The following DUX4 variants were observed in gnomAD, a reference collection of about 807,000 sequenced individuals.
DUX4 encodes the protein double homeobox 4, also known as double homeobox protein 4.
At chr4:190,180,013 A>T (rs1206370397), downstream of DUX4, among the ~76,000 whole-genome samples, 3,669 of 23,762 alleles carry the variant, frequency 0.15, 27 homozygotes, top group African/African-American at 0.18. Flanking sequence ...CTTAAACTAG[A>T]GTTACATCAC....
At chr4:190,180,146 AAGAGTCCCATCACCTGGGTGATCAGTGC>A, downstream of DUX4, among the ~76,000 whole-genome samples, 1 of 88,270 alleles carries the variant, frequency 1.1e-5, no homozygotes, top group South Asian at 3.4e-4. Flanking sequence ...GAGCCTAGAG[AAGAGTCCCATCACCTGGGTGATCAGTGC>A]AGAGTTATGC....
downstream of DUX4, among the ~76,000 whole-genome samples, chr4:190,178,743 GC>G (rs1742447951): frequency 1.4e-5 from 2 of 138,756 alleles, no homozygotes; most frequent in East Asian, 4.5e-4. Flanking sequence ...GGTGATCAGA[GC>G]AAAGGTATGT....
chr4:190,179,257 TA>T (rs1742483834), downstream of DUX4, among the ~76,000 whole-genome samples: 76 of 151,530 alleles, frequency 5.0e-4, no homozygotes, highest in Admixed American at 5.9e-4. Context: ...AGGCAGATCC[TA>T]GACAAGAGTT....
downstream of DUX4, among the ~76,000 whole-genome samples, chr4:190,180,162 G>A (rs1742534767): frequency 4.9e-5 from 4 of 81,510 alleles, no homozygotes; most frequent in African/African-American, 1.4e-4. Flanking sequence ...CCCATCACCT[G>A]GGTGATCAGT....
downstream of DUX4, among the ~76,000 whole-genome samples, chr4:190,178,297 AGAGCACAGAG>A (rs1742416247): frequency 7.5e-6 from 1 of 133,904 alleles, no homozygotes; most frequent in Non-Finnish European, 1.7e-5. Context: ...CCCTGTAGGC[AGAGCACAGAG>A]AAGAGTTGCA....
downstream of DUX4, among the ~76,000 whole-genome samples, chr4:190,176,634 G>C (rs1408227883): frequency 8.8e-6 from 1 of 113,114 alleles, no homozygotes; most frequent in Non-Finnish European, 2.0e-5. Context: ...GCAGAGATGT[G>C]TCACAAAGCC....
At chr4:190,178,224 AG>A (rs1742411590), downstream of DUX4, among the ~76,000 whole-genome samples, 1 of 151,972 alleles carries the variant, frequency 6.6e-6, no homozygotes, top group Non-Finnish European at 1.5e-5. Flanking sequence ...TGCCCCCTGT[AG>A]GCAGAGCATA....
At chr4:190,181,180 GTTACA>G (rs1742550747) in intron 1 of DUX4, among the ~76,000 whole-genome samples, 2 of 141,006 alleles carry the variant, frequency 1.4e-5, no homozygotes, top group African/African-American at 2.6e-5. Flanking sequence ...TTAGACTAGA[GTTACA>G]TCACCTGGGT....
At chr4:190,182,177 C>CAGGGT (rs1742604342) in intron 1 of DUX4, 5 of 100,350 alleles carry the variant, frequency 5.0e-5, no homozygotes, top group Admixed American at 1.2e-4. Context: ...GTCACAATGG[C>CAGGGT]GAGGGTGAGG....
chr4:190,178,583 A>AT (rs1742435251), downstream of DUX4, among the ~76,000 whole-genome samples: 1 of 136,902 alleles, frequency 7.3e-6, no homozygotes, highest in Admixed American at 7.3e-5. Flanking sequence ...GAGGGTAGAC[A>AT]AGAGTTACAT....
chr4:190,176,147 CAG>C (rs1372369630), downstream of DUX4, among the ~76,000 whole-genome samples: 6 of 111,732 alleles, frequency 5.4e-5, 1 homozygote, highest in African/African-American at 1.6e-4. Flanking sequence ...CTGATCAGTG[CAG>C]AGATATCTCA....
chr4:190,179,987 GC>G (rs1742522728), downstream of DUX4, among the ~76,000 whole-genome samples: 17 of 151,562 alleles, frequency 1.1e-4, no homozygotes, highest in Admixed American at 3.3e-4. Context: ...CTGTCACAAT[GC>G]CCCTTTAGGC....
At chr4:190,177,537 T>TTCAGGCGCAGC, downstream of DUX4, among the ~76,000 whole-genome samples, 1 of 151,364 alleles carries the variant, frequency 6.6e-6, no homozygotes, top group African/African-American at 2.4e-5. Context: ...ACAATTCCCC[T>TTCAGGCGCAGC]TTAGGCACAG....
chr4:190,176,067 A>T (rs1457775833), downstream of DUX4, among the ~76,000 whole-genome samples: 1 of 112,088 alleles, frequency 8.9e-6, no homozygotes, highest in African/African-American at 2.6e-5. Context: ...TACATCACCT[A>T]GTGATCAGTG....
At chr4:190,178,948 G>T (rs1742465761), downstream of DUX4, among the ~76,000 whole-genome samples, 1 of 146,256 alleles carries the variant, frequency 6.8e-6, no homozygotes, top group Non-Finnish European at 1.5e-5. Flanking sequence ...GGTGATCAGT[G>T]CAGAAATACG....
chr4:190,184,103 G>C lies in DUX4; in HGVS notation n.93-1238G>C, dbSNP rs1244664492. ...AATGAAGAAGGGATTTGTCATGAGA[G>C]ATGTGGCAGGAATTTCTTGAGAGGC... On this transcript the variant is annotated intron_variant and non_coding_transcript_variant, in intron 1 of 2. Coordinates refer to the DUX4 transcript ENST00000563716. Among the ~76,000 whole-genome samples the C allele has an allele frequency of 3.4e-3, 448 of 130,566 alleles. 2 individuals are homozygous for C. Among genetic ancestry groups the C allele is most frequent in the African/African-American group, 0.01 (421 of 40,136 alleles). 85.7% of individuals were successfully genotyped at this position (130,566 alleles called of 152,430 possible). A position where few individuals can be genotyped will look rare whatever the true frequency, so the allele number is the denominator to read the frequency against.
chr4:190,179,795 A>AGTG (rs1213740323), downstream of DUX4, among the ~76,000 whole-genome samples: 3 of 146,494 alleles, frequency 2.0e-5, no homozygotes, highest in African/African-American at 7.5e-5. Flanking sequence ...CCCTGTAGGC[A>AGTG]AGCCTACACA....
chr4:190,180,009 C>A (rs1742524749), downstream of DUX4, among the ~76,000 whole-genome samples: 1,484 of 97,530 alleles, frequency 0.015, no homozygotes, highest in Non-Finnish European at 0.017. Flanking sequence ...AGAGCTTAAA[C>A]TAGAGTTACA....
chr4:190,180,051 C>CT (rs1742527630), downstream of DUX4, among the ~76,000 whole-genome samples: 18 of 136,076 alleles, frequency 1.3e-4, no homozygotes, highest in Non-Finnish European at 1.9e-4. Flanking sequence ...AGATATGTCA[C>CT]ATTGCCCCCA....
Sources: gnomAD v4.1 joint callset for allele counts (sites outside exome capture counted in the v4.1 genomes callset) on GRCh38, gnomAD v4.1.1 for gene constraint, MANE v1.5 for transcripts, NCBI Gene and HGNC (gene_info 2026-07-23, HGNC 2026-07-21) for gene names.